Variants in DMD observed in about 807,000 individuals in gnomAD.
DMD encodes the protein dystrophin, also known as mutant dystrophin.
A neutral mutation model predicts 330.1 loss-of-function variants in DMD; 63 were observed. That is an observed-to-expected ratio of 0.19 (90% CI 0.16 to 0.24). The LOEUF is 0.24. Ranked by LOEUF, DMD falls within the 10% of genes least tolerant of loss-of-function variation. DMD has a pLI of 1.00. For missense variants in DMD, 3,344 were observed against 2,684.1 expected (o/e 1.25, Z -5.43); for synonymous variants, 1,223 against 959.8 (o/e 1.27, Z -5.07).
At chrX:31,394,891 C>T (rs1009248472) in intron 60 of DMD, among the ~76,000 whole-genome samples, 1 of 98,343 alleles carries the variant, frequency 1.0e-5, no homozygotes, top group African/African-American at 4.0e-5. Context: ...ATAGCTAGGC[C>T]TTAGTTTTGC....
At chrX:33,006,973 A>G (rs1204229836) in intron 2 of DMD, among the ~76,000 whole-genome samples, 2 of 110,265 alleles carry the variant, frequency 1.8e-5, no homozygotes, top group African/African-American at 3.3e-5. Flanking sequence ...TGTTACATCT[A>G]CTTTCAAAAT....
intron 21 of DMD, among the ~76,000 whole-genome samples, chrX:32,477,016 G>C (rs1047659927): frequency 9.0e-6 from 1 of 111,293 alleles, no homozygotes; most frequent in Non-Finnish European, 1.9e-5. Context: ...ACTCAGCACA[G>C]ACTCAGGAAA....
intron 67 of DMD, among the ~76,000 whole-genome samples, chrX:31,197,073 G>T (rs1463685985): frequency 9.0e-6 from 1 of 110,986 alleles, no homozygotes; most frequent in Non-Finnish European, 1.9e-5. Context: ...AACATTCACT[G>T]GGCACCTTCT....
intron 7 of DMD, among the ~76,000 whole-genome samples, chrX:32,728,918 T>C (rs183801230): frequency 8.9e-6 from 1 of 112,122 alleles, no homozygotes; most frequent in Non-Finnish European, 1.9e-5. Context: ...GAAATACTTT[T>C]ACCTATCCAC....
chrX:31,315,566 C>T (rs2055934873), intron 62 of DMD, among the ~76,000 whole-genome samples: 1 of 112,023 alleles, frequency 8.9e-6, no homozygotes, highest in African/African-American at 3.2e-5. Context: ...TAATTTACTC[C>T]TCTTCTTTTG....
At chrX:31,997,303 G>C (rs999456377) in intron 44 of DMD, among the ~76,000 whole-genome samples, 1 of 111,159 alleles carries the variant, frequency 9.0e-6, no homozygotes, top group African/African-American at 3.3e-5. Context: ...TTACCTTAAG[G>C]CAACCTAGGT....
chrX:32,208,395 C>A (rs967924093), intron 44 of DMD, among the ~76,000 whole-genome samples: 1 of 111,793 alleles, frequency 8.9e-6, no homozygotes, highest in East Asian at 2.8e-4. Context: ...GGGGACTCAA[C>A]CTTCTTTACA....
chrX:32,616,048 G>C (rs1020610892), intron 11 of DMD, among the ~76,000 whole-genome samples: 1 of 110,895 alleles, frequency 9.0e-6, no homozygotes, highest in Non-Finnish European at 1.9e-5. Flanking sequence ...TTTGTAGTAT[G>C]CCTCTCAGTG....
intron 1 of DMD, among the ~76,000 whole-genome samples, chrX:33,253,130 C>T (rs947232675): frequency 9.6e-6 from 1 of 103,906 alleles, no homozygotes; most frequent in Non-Finnish European, 1.9e-5. Flanking sequence ...GATCATTATA[C>T]ATTACATAAA....
chrX:31,255,173 T>C (rs1278381278), intron 63 of DMD, among the ~76,000 whole-genome samples: 1 of 111,306 alleles, frequency 9.0e-6, no homozygotes, highest in Admixed American at 9.6e-5. Context: ...TAGACATAAA[T>C]TGTGAGAAAA....
chrX:32,718,074 A>G (rs113959586), intron 7 of DMD, among the ~76,000 whole-genome samples: 19,499 of 110,410 alleles, frequency 0.18, 4,170 homozygotes, highest in African/African-American at 0.6. Flanking sequence ...TTGAACTAAT[A>G]CTGGAATGAG....
intron 7 of DMD, among the ~76,000 whole-genome samples, chrX:32,806,867 C>T (rs1208369647): frequency 9.1e-6 from 1 of 109,996 alleles, no homozygotes; most frequent in Non-Finnish European, 1.9e-5. Flanking sequence ...AGAATTCTGA[C>T]AGAAATAAAG....
chrX:32,786,083 A>AAG (rs1491187214), intron 7 of DMD, among the ~76,000 whole-genome samples: 3 of 84,179 alleles, frequency 3.6e-5, no homozygotes, highest in East Asian at 3.2e-4. Flanking sequence ...GAGGAGGAAT[A>AAG]AGAGTGTGTG....
chrX:31,256,812 T>C (rs1384456049), intron 63 of DMD, among the ~76,000 whole-genome samples: 1 of 109,613 alleles, frequency 9.1e-6, no homozygotes, highest in Non-Finnish European at 1.9e-5. Flanking sequence ...CATTAGTTAA[T>C]GAATTGTAGC....
chrX:31,747,896 A>G (rs1192142791), intron 51 of DMD, among the ~76,000 whole-genome samples: 1 of 112,345 alleles, frequency 8.9e-6, no homozygotes, highest in Admixed American at 9.4e-5. Context: ...AAAAATAAGC[A>G]GTAATCCCTG....
At chrX:33,073,667 C>A (rs1603232048) in intron 1 of DMD, among the ~76,000 whole-genome samples, 1 of 110,179 alleles carries the variant, frequency 9.1e-6, no homozygotes, top group East Asian at 2.9e-4. Context: ...CCCGTCTCTA[C>A]TAAAAACACA....
chrX:32,727,760 T>C (rs1311517044), intron 7 of DMD, among the ~76,000 whole-genome samples: 1 of 109,700 alleles, frequency 9.1e-6, no homozygotes, highest in Admixed American at 9.7e-5. Context: ...TACATACACA[T>C]ACACACATAT....
chrX:32,301,096 C>T (rs1000089518), intron 42 of DMD, among the ~76,000 whole-genome samples: 4 of 108,636 alleles, frequency 3.7e-5, no homozygotes, highest in Admixed American at 2.0e-4. Flanking sequence ...ATATTATGCC[C>T]GTTTTATATA....
intron 5 of DMD, among the ~76,000 whole-genome samples, chrX:32,822,678 CACATTAT>C (rs2078371214): frequency 9.2e-6 from 1 of 109,016 alleles, no homozygotes; most frequent in African/African-American, 3.3e-5. Context: ...TATATATAGA[CACATTAT>C]ATATATACGC....
Sources: gnomAD v4.1 joint callset for allele counts (sites outside exome capture counted in the v4.1 genomes callset) on GRCh38, gnomAD v4.1.1 for gene constraint, MANE v1.5 for transcripts, NCBI Gene and HGNC (gene_info 2026-07-23, HGNC 2026-07-21) for gene names.